The following FBXL17 variants were observed in gnomAD, a reference collection of about 807,000 sequenced individuals.
FBXL17 encodes F-box and leucine rich repeat protein 17.
In FBXL17, 22 loss-of-function variants were observed where a neutral mutation model predicts 66.2. The observed-to-expected ratio is 0.33, with a 90% CI of 0.24 to 0.47. FBXL17 has a LOEUF of 0.47. Ranked by LOEUF, FBXL17 falls within the 20% of genes least tolerant of loss-of-function variation. FBXL17 has a pLI of 1.00. For synonymous variants in FBXL17, 474 were observed against 400.5 expected, an observed-to-expected ratio of 1.18 and a Z score of -2.19; for missense variants, 878 against 948.2, an observed-to-expected ratio of 0.93 and a Z score of 0.97.
chr5:108,252,474 G>A (rs574026138), intron 4 of FBXL17, among the ~76,000 whole-genome samples: 15 of 152,090 alleles, frequency 9.9e-5, no homozygotes, highest in African/African-American at 3.6e-4. Context: ...AACTAATTCT[G>A]AAAAACCAGA....
At chr5:108,340,929 G>A (rs1746836088) in intron 4 of FBXL17, among the ~76,000 whole-genome samples, 1 of 152,114 alleles carries the variant, frequency 6.6e-6, no homozygotes, top group African/African-American at 2.4e-5. Flanking sequence ...TCAATTACCA[G>A]TAGAGAGTGA....
At chr5:107,925,979 T>C (rs993575555) in intron 7 of FBXL17, among the ~76,000 whole-genome samples, 1 of 152,244 alleles carries the variant, frequency 6.6e-6, no homozygotes, top group African/African-American at 2.4e-5. Flanking sequence ...AATTGTGGCA[T>C]TGATAAACAA....
At chr5:108,229,505 G>A (rs746572546) in intron 4 of FBXL17, among the ~76,000 whole-genome samples, 96 of 152,274 alleles carry the variant, frequency 6.3e-4, no homozygotes, top group Non-Finnish European at 1.1e-3. Context: ...GGGATAATTG[G>A]CAAGCCACTT....
At chr5:108,370,763 A>G (rs1038538894) in intron 1 of FBXL17, among the ~76,000 whole-genome samples, 5 of 151,774 alleles carry the variant, frequency 3.3e-5, no homozygotes, top group Non-Finnish European at 7.4e-5. Flanking sequence ...AAAAAAAATC[A>G]TGAAAGTCAC....
chr5:108,229,259 A>C (rs1427153938), intron 4 of FBXL17, among the ~76,000 whole-genome samples: 2 of 152,188 alleles, frequency 1.3e-5, no homozygotes, highest in Admixed American at 1.3e-4. Context: ...AAGCAAGACT[A>C]AGCAAAAAAC....
intron 6 of FBXL17, among the ~76,000 whole-genome samples, chr5:108,164,867 T>C (rs1180359387): frequency 6.6e-6 from 1 of 152,210 alleles, no homozygotes; most frequent in Non-Finnish European, 1.5e-5. Flanking sequence ...ACTACAGTAT[T>C]CTGCCCCTTA....
chr5:108,190,567 C>T (rs1753430995), intron 5 of FBXL17, among the ~76,000 whole-genome samples: 1 of 152,200 alleles, frequency 6.6e-6, no homozygotes, highest in African/African-American at 2.4e-5. Context: ...CCATATATAT[C>T]TTAACACAGG....
intron 5 of FBXL17, among the ~76,000 whole-genome samples, chr5:108,200,247 A>T (rs1753836480): frequency 6.6e-6 from 1 of 152,118 alleles, no homozygotes; most frequent in South Asian, 2.1e-4. Context: ...CACTAAATGC[A>T]GCCTGCAAAG....
chr5:108,157,432 C>G (rs1375622078), intron 6 of FBXL17, among the ~76,000 whole-genome samples: 7 of 151,664 alleles, frequency 4.6e-5, no homozygotes, highest in East Asian at 1.9e-4. Context: ...GTATCTCTTA[C>G]AGGAAGGTTC....
At chr5:108,140,820 A>T (rs1187226859) in intron 6 of FBXL17, among the ~76,000 whole-genome samples, 1 of 151,424 alleles carries the variant, frequency 6.6e-6, no homozygotes, top group African/African-American at 2.4e-5. Flanking sequence ...CAAACAAGAA[A>T]CTTCAGCCAT....
intron 7 of FBXL17, among the ~76,000 whole-genome samples, chr5:107,944,517 A>C (rs184547744): frequency 7.4e-4 from 113 of 152,252 alleles, no homozygotes; most frequent in African/African-American, 2.6e-3. Flanking sequence ...TCTTTCAAAA[A>C]ATCAAATCTG....
intron 4 of FBXL17, among the ~76,000 whole-genome samples, chr5:108,230,260 T>C (rs1266583409): frequency 6.6e-6 from 1 of 152,186 alleles, no homozygotes; most frequent in Non-Finnish European, 1.5e-5. Context: ...ATGAAAAAGA[T>C]ACTTGCACAC....
chr5:107,959,029 TC>T (rs1751785584), intron 7 of FBXL17, among the ~76,000 whole-genome samples: 9 of 152,158 alleles, frequency 5.9e-5, no homozygotes, highest in Admixed American at 5.9e-4. Context: ...GTGACTTGAA[TC>T]ATGTGGTCTC....
At chr5:108,379,254 T>C (rs1580933619) in intron 1 of FBXL17, among the ~76,000 whole-genome samples, 1 of 152,194 alleles carries the variant, frequency 6.6e-6, no homozygotes, top group Non-Finnish European at 1.5e-5. Flanking sequence ...ACAGTCTTAT[T>C]TGCCAAATAA....
At chr5:108,248,739 AATGAC>A (rs1235079358) in intron 4 of FBXL17, among the ~76,000 whole-genome samples, 1 of 152,272 alleles carries the variant, frequency 6.6e-6, no homozygotes, top group Non-Finnish European at 1.5e-5. Context: ...ACACAATTTG[AATGAC>A]ATCAGATTTC....
chr5:108,121,811 C>A (rs778709766), intron 6 of FBXL17, among the ~76,000 whole-genome samples: 1 of 152,184 alleles, frequency 6.6e-6, no homozygotes. Flanking sequence ...CCTGCCTTGG[C>A]CTTCCAAAGC....
intron 6 of FBXL17, among the ~76,000 whole-genome samples, chr5:108,144,614 A>G (rs1000844658): frequency 6.6e-6 from 1 of 152,162 alleles, no homozygotes; most frequent in African/African-American, 2.4e-5. Context: ...GCTGTAGGCA[A>G]AAAACTGTAC....
At chr5:108,143,180 T>C (rs1048292386) in intron 6 of FBXL17, among the ~76,000 whole-genome samples, 19 of 151,960 alleles carry the variant, frequency 1.3e-4, no homozygotes, top group African/African-American at 4.1e-4. Context: ...AACCAGTCCC[T>C]GGTGCCAAAA....
chr5:107,979,112 C>T (rs1456501397), intron 7 of FBXL17, among the ~76,000 whole-genome samples: 2 of 152,166 alleles, frequency 1.3e-5, no homozygotes, highest in Non-Finnish European at 2.9e-5. Flanking sequence ...TCCTGACATA[C>T]ATTAAGAGCT....
Sources: allele counts gnomAD v4.1 joint callset (sites outside exome capture counted in the v4.1 genomes callset), GRCh38; gene constraint gnomAD v4.1.1; transcripts MANE v1.5; gene names NCBI Gene and HGNC (gene_info 2026-07-23, HGNC 2026-07-21).